The following PHACTR1 variants were observed in gnomAD, a reference collection of about 807,000 sequenced individuals.
The protein encoded by PHACTR1 is phosphatase and actin regulator 1.
A neutral mutation model predicts 69.2 loss-of-function variants in PHACTR1; 16 were observed. That is an observed-to-expected ratio of 0.23 (90% CI 0.16 to 0.35). The LOEUF is 0.35. PHACTR1 is among the 10% of genes least tolerant of loss of function. The probability of loss-of-function intolerance (pLI) is 1.00; values close to 1 mark genes in which losing one functional copy is unlikely to be tolerated. For missense variants in PHACTR1, 510 were observed against 734.7 expected (o/e 0.69, Z 3.54); for synonymous variants, 312 against 284.5 (o/e 1.10, Z -0.97).
chr6:13,008,327 T>C (rs955124602), intron 4 of PHACTR1, among the ~76,000 whole-genome samples: 4 of 151,936 alleles, frequency 2.6e-5, no homozygotes, highest in Non-Finnish European at 1.5e-5. Flanking sequence ...CGTGCAAGAG[T>C]CAGAAAGAAT....
chr6:12,781,945 G>A (rs575407661), intron 4 of PHACTR1, among the ~76,000 whole-genome samples: 1 of 152,280 alleles, frequency 6.6e-6, no homozygotes, highest in East Asian at 1.9e-4. Flanking sequence ...TCACTCAAAC[G>A]ATGGCCTATC....
chr6:13,214,690 C>A (rs193044706), intron 8 of PHACTR1, among the ~76,000 whole-genome samples: 11 of 152,076 alleles, frequency 7.2e-5, no homozygotes, highest in African/African-American at 2.4e-4. Context: ...ACATTCTAGA[C>A]GGATTAGAGG....
chr6:13,127,001 C>T (rs1381934716), intron 5 of PHACTR1, among the ~76,000 whole-genome samples: 2 of 152,114 alleles, frequency 1.3e-5, no homozygotes, highest in East Asian at 1.9e-4. Flanking sequence ...TGGGAGCCTT[C>T]GTCAAGAAAT....
chr6:13,204,237 G>A (rs139638250), intron 7 of PHACTR1, among the ~76,000 whole-genome samples: 86 of 152,270 alleles, frequency 5.6e-4, no homozygotes, highest in African/African-American at 2.0e-3. Flanking sequence ...GGGGAGCTAC[G>A]TAATCAGATT....
chr6:13,231,991 G>A (rs772464761), intron 10 of PHACTR1, among the ~76,000 whole-genome samples: 18 of 152,178 alleles, frequency 1.2e-4, no homozygotes, highest in Non-Finnish European at 1.5e-5. Flanking sequence ...TGAGTGCCTG[G>A]ACATAATGTG....
At chr6:12,801,950 G>A (rs1773750785) in intron 4 of PHACTR1, among the ~76,000 whole-genome samples, 1 of 151,778 alleles carries the variant, frequency 6.6e-6, no homozygotes, top group African/African-American at 2.4e-5. Context: ...TGATGACCTT[G>A]TTTACCATTA....
At chr6:13,014,764 G>A (rs1799917383) in intron 4 of PHACTR1, among the ~76,000 whole-genome samples, 1 of 152,244 alleles carries the variant, frequency 6.6e-6, no homozygotes, top group Non-Finnish European at 1.5e-5. Context: ...TCTTCCAGGT[G>A]AGCCTGGGCG....
At chr6:12,724,008 C>T (rs1245272140) in intron 3 of PHACTR1, among the ~76,000 whole-genome samples, 2 of 152,104 alleles carry the variant, frequency 1.3e-5, no homozygotes, top group Non-Finnish European at 2.9e-5. Context: ...GAATTTGAAC[C>T]ATGGGGAAGA....
chr6:13,051,170 A>T (rs956653830), intron 4 of PHACTR1, among the ~76,000 whole-genome samples: 4 of 151,510 alleles, frequency 2.6e-5, no homozygotes, highest in Admixed American at 6.6e-5. Flanking sequence ...TCCACTCATT[A>T]TTTTTTTCCC....
chr6:12,740,002 C>T (rs764191133), intron 3 of PHACTR1, among the ~76,000 whole-genome samples: 1 of 152,190 alleles, frequency 6.6e-6, no homozygotes, highest in Non-Finnish European at 1.5e-5. Context: ...TGTGCTCCGT[C>T]CAAGACATCT....
chr6:13,078,550 A>G (rs1225337708), intron 5 of PHACTR1, among the ~76,000 whole-genome samples: 3 of 152,222 alleles, frequency 2.0e-5, no homozygotes, highest in African/African-American at 7.2e-5. Flanking sequence ...CTCAAAAGAT[A>G]GCCAGGTTTC....
chr6:13,039,555 C>CCTGAGTTTTT (rs1413657237), intron 4 of PHACTR1, among the ~76,000 whole-genome samples: 1 of 152,192 alleles, frequency 6.6e-6, no homozygotes, highest in African/African-American at 2.4e-5. Flanking sequence ...CAGGCACTCT[C>CCTGAGTTTTT]CTGAGTTTTT....
chr6:13,227,038 A>T (rs910624680), intron 8 of PHACTR1, among the ~76,000 whole-genome samples: 6 of 151,090 alleles, frequency 4.0e-5, no homozygotes, highest in Non-Finnish European at 4.4e-5. Context: ...GCCCAGCAGT[A>T]TAGCTTTTTT....
chr6:12,735,341 AT>A (rs1339371330), intron 3 of PHACTR1, among the ~76,000 whole-genome samples: 1 of 152,210 alleles, frequency 6.6e-6, no homozygotes, highest in Non-Finnish European at 1.5e-5. Flanking sequence ...CTTATAGCAT[AT>A]TCTTGTGGTC....
At chr6:12,736,623 T>C (rs1764286329) in intron 3 of PHACTR1, among the ~76,000 whole-genome samples, 2 of 152,094 alleles carry the variant, frequency 1.3e-5, no homozygotes, top group Admixed American at 1.3e-4. Flanking sequence ...AACTTAAAAG[T>C]AAGGATGGGG....
Position 12,723,275 on chromosome 6 carries a change from A to T in PHACTR1, c.103+4428A>T, listed in dbSNP as rs148207302. ...CATTATGGATCGTCAGTCACTTGCTACCCAGAGTGTGATCCCAGACTGACA... is the reference window on the plus strand; with the variant it reads ...CATTATGGATCGTCAGTCACTTGCTTCCCAGAGTGTGATCCCAGACTGACA... On this transcript the variant is annotated intron_variant, in intron 3 of 14. Transcript: ENST00000332995. Among the ~76,000 whole-genome samples the T allele has an allele frequency of 2.0e-3, 311 of 152,092 alleles. 2 individuals are homozygous for T. The highest frequency in any genetic ancestry group is 6.7e-3 in the African/African-American group (280 of 41,500).
chr6:12,787,521 C>T (rs1002483412), intron 4 of PHACTR1, among the ~76,000 whole-genome samples: 2 of 152,126 alleles, frequency 1.3e-5, no homozygotes, highest in Admixed American at 6.6e-5. Flanking sequence ...GGATGCTGAT[C>T]AAAAGAACAG....
chr6:12,778,448 G>A (rs1770369756), intron 4 of PHACTR1, among the ~76,000 whole-genome samples: 1 of 152,192 alleles, frequency 6.6e-6, no homozygotes, highest in South Asian at 2.1e-4. Context: ...TTTTCTGGAA[G>A]AACACAGGAA....
intron 4 of PHACTR1, among the ~76,000 whole-genome samples, chr6:13,052,621 T>A (rs1806127056): frequency 6.6e-6 from 1 of 152,206 alleles, no homozygotes; most frequent in Non-Finnish European, 1.5e-5. Flanking sequence ...CCACTAGGCA[T>A]TATGAGATTG....
Sources: gnomAD v4.1 joint callset for allele counts (sites outside exome capture counted in the v4.1 genomes callset) on GRCh38, gnomAD v4.1.1 for gene constraint, MANE v1.5 for transcripts, NCBI Gene and HGNC (gene_info 2026-07-23, HGNC 2026-07-21) for gene names.